Variants in RPGRIP1L observed in about 807,000 individuals in gnomAD.
RPGRIP1L encodes the protein protein fantom.
In RPGRIP1L, 131 loss-of-function variants were observed where a neutral mutation model predicts 160.4. The ratio of observed to expected loss-of-function variants is 0.82; its 90% CI spans 0.71 to 0.94. RPGRIP1L has a LOEUF of 0.94. Ranked by LOEUF, RPGRIP1L falls within the 40% of genes least tolerant of loss-of-function variation. The probability of loss-of-function intolerance (pLI) is 0.00; values close to 1 mark genes in which losing one functional copy is unlikely to be tolerated. For synonymous variants in RPGRIP1L, 510 were observed against 515.8 expected (o/e 0.99, Z 0.15); for missense variants, 1,522 against 1,535.8 (o/e 0.99, Z 0.15).
intron 25 of RPGRIP1L, among the ~76,000 whole-genome samples, chr16:53,609,926 G>A (rs1186491360): frequency 6.6e-6 from 1 of 152,092 alleles, no homozygotes; most frequent in Non-Finnish European, 1.5e-5. Context: ...TAGTTTGGAA[G>A]CTCTTTTGAA....
At chr16:53,678,291 C>T (rs1969342186) in intron 6 of RPGRIP1L, among the ~76,000 whole-genome samples, 1 of 152,070 alleles carries the variant, frequency 6.6e-6, no homozygotes, top group Non-Finnish European at 1.5e-5. Context: ...ACCTGTGTGC[C>T]AAGTTTCTCT....
intron 17 of RPGRIP1L, among the ~76,000 whole-genome samples, chr16:53,642,373 T>G (rs1354331671): frequency 1.3e-5 from 2 of 151,946 alleles, no homozygotes; most frequent in African/African-American, 4.8e-5. Flanking sequence ...CATTAGCTTT[T>G]GCTTAAGAGT....
At chr16:53,668,831 T>C (rs1968487812) in intron 9 of RPGRIP1L, among the ~76,000 whole-genome samples, 1 of 152,236 alleles carries the variant, frequency 6.6e-6, no homozygotes, top group Non-Finnish European at 1.5e-5. Flanking sequence ...TTATACTTAC[T>C]TCTTGGCAGT....
intron 24 of RPGRIP1L, among the ~76,000 whole-genome samples, chr16:53,612,688 C>T (rs909143220): frequency 5.3e-5 from 8 of 151,802 alleles, no homozygotes; most frequent in African/African-American, 1.9e-4. Context: ...TAAACCTAGA[C>T]CAGATTTGAT....
At chr16:53,632,496 T>G (rs1449363814) in intron 22 of RPGRIP1L, among the ~76,000 whole-genome samples, 1 of 152,206 alleles carries the variant, frequency 6.6e-6, no homozygotes, top group Admixed American at 6.5e-5. Context: ...TTTTTTGTAT[T>G]CGTGGATCTA....
intron 6 of RPGRIP1L, among the ~76,000 whole-genome samples, chr16:53,682,779 C>A (rs912977472): frequency 1.3e-5 from 2 of 152,148 alleles, no homozygotes; most frequent in African/African-American, 4.8e-5. Context: ...TCACAAGGAA[C>A]CATTCTTGGT....
chr16:53,641,337 G>A lies in RPGRIP1L; in HGVS notation c.2822C>T (p.Pro941Leu), dbSNP rs748020146. The change falls in exon 18 of 27, where the codon CCA becomes CTA. Residue 941 changes from proline (P) to leucine (L), a missense_variant. Physicochemically the swap from Pro to Leu is moderately conservative, Grantham distance 98. Transcript: ENST00000647211. Reference protein sequence around the residue: ...DLGNFIRSEEPEVVQRLPPAS... With the variant: ...DLGNFIRSEELEVVQRLPPAS... ...TGGAGGAAGTCTTTGAACAACTTCT[G>A]GCTCTTCGCTGCGAATGAAATTTCC... 6.2e-7 allele frequency: 1 copy of A among 1,614,012 alleles called. No homozygotes were observed. Among genetic ancestry groups the A allele is most frequent in the Non-Finnish European group, 8.5e-7 (1 of 1,179,970 alleles).
chr16:53,644,906 T>C (rs1966446547), intron 17 of RPGRIP1L, among the ~76,000 whole-genome samples: 1 of 152,126 alleles, frequency 6.6e-6, no homozygotes, highest in Non-Finnish European at 1.5e-5. Flanking sequence ...TAGAGACCAA[T>C]AAAGGTAATT....
intron 21 of RPGRIP1L, among the ~76,000 whole-genome samples, chr16:53,636,940 TGACACA>T (rs1345057505): frequency 1.8e-5 from 2 of 110,546 alleles, no homozygotes; most frequent in African/African-American, 8.0e-5. Context: ...CTGCAATATT[TGACACA>T]CACACACACA....
chr16:53,657,750 T>C (rs1038403730), intron 12 of RPGRIP1L, 118 bp from the exon 13 acceptor site: 1 of 649,870 alleles, frequency 1.5e-6, no homozygotes, highest in Middle Eastern at 4.1e-4. Flanking sequence ...ATTTCATTAA[T>C]TGAAAACAGA....
In RPGRIP1L at chr16:53,664,937, G is replaced by A. The variant is rs759115653; in HGVS notation, c.1176C>T (p.Leu392=). 2 of 1,613,260 alleles carry A rather than the reference G, an allele frequency of 1.2e-6. No individual in the cohort carries two copies. The highest frequency in any genetic ancestry group is 1.7e-6 in the Non-Finnish European group (2 of 1,179,864). The change falls in exon 10 of 27, where the codon CTC becomes CTT. Residue 392 remains leucine, a synonymous_variant. Coordinates refer to ENST00000647211, the MANE Select transcript of RPGRIP1L (RefSeq NM_015272.5). The part of the protein sequence containing the change: ...EQQLKVQIAQ[L]ETALKSDLTD... Reference sequence around the variant, plus strand: ...TTAAGTCAGACTTCAAGGCAGTCTCGAGCTGAGCAATCTGCACTTTCAGCT... The same window carrying A: ...TTAAGTCAGACTTCAAGGCAGTCTCAAGCTGAGCAATCTGCACTTTCAGCT...
intron 23 of RPGRIP1L, among the ~76,000 whole-genome samples, chr16:53,619,774 A>C (rs1464809041): frequency 6.6e-6 from 1 of 152,216 alleles, no homozygotes; most frequent in African/African-American, 2.4e-5. Context: ...TTTCAAGCAA[A>C]AGAAACAATT....
intron 6 of RPGRIP1L, among the ~76,000 whole-genome samples, chr16:53,677,826 T>C (rs1969303013): frequency 6.6e-6 from 1 of 152,186 alleles, no homozygotes; most frequent in Non-Finnish European, 1.5e-5. Flanking sequence ...ATGAGTAATA[T>C]TTTAAGTGAC....
chr16:53,681,916 G>A (rs532046380), intron 6 of RPGRIP1L, among the ~76,000 whole-genome samples: 5 of 152,252 alleles, frequency 3.3e-5, no homozygotes, highest in East Asian at 1.9e-4. Flanking sequence ...TAATGTATCC[G>A]TGAAAGAAAA....
At chr16:53,641,264 T>G in intron 18 of RPGRIP1L, 21 bp downstream of exon 18, 1 of 1,610,818 alleles carries the variant, frequency 6.2e-7, no homozygotes, top group Non-Finnish European at 8.5e-7. Flanking sequence ...TGTAAAAAAA[T>G]TAAAAGTCAC....
At position 53,622,289 on chromosome 16, in the gene RPGRIP1L, G is replaced by T; in HGVS notation, c.3362C>A (p.Pro1121Gln). The T allele has an allele frequency of 1.5e-6, 1 of 656,898 alleles. No homozygotes were observed. Among genetic ancestry groups the T allele is most frequent in the South Asian group, 1.6e-5 (1 of 62,602 alleles). 40.7% of individuals were successfully genotyped at this position (656,898 alleles called of 1,614,324 possible). ...AISAHCNFRLPGSSDFPASAS... is the reference protein window; with the variant it reads ...AISAHCNFRLQGSSDFPASAS... ...TGAGGCAGGAAAATCGCTGGAACCC[G>T]GGAGGCGGAAGTTGCAGTGAGCTGA... The change falls in exon 23 of 27, where the codon CCG (proline) becomes CAG (glutamine). Residue 1121 changes from proline (P) to glutamine (Q), a missense_variant. Coordinates refer to ENST00000647211, the MANE Select transcript of RPGRIP1L (RefSeq NM_015272.5).
rs755921911 is a variant in RPGRIP1L, at chr16:53,602,072, G to C, written c.*4C>G. 1.9e-6 allele frequency: 3 copies of C among 1,566,792 alleles called. No individual in the cohort carries two copies. The East Asian group carries it at 6.7e-5, about 35-fold the overall frequency. On this transcript the variant is annotated 3_prime_UTR_variant, in exon 27 of 27. Coordinates refer to ENST00000647211, the MANE Select transcript of RPGRIP1L (RefSeq NM_015272.5). Reference sequence around the variant, plus strand: ...AGTAGGAGATGCCTCTGGAGCATTTGCTTTCAAGCCTCCAAGTCATCTCTG... The same window carrying C: ...AGTAGGAGATGCCTCTGGAGCATTTCCTTTCAAGCCTCCAAGTCATCTCTG...
intron 6 of RPGRIP1L, among the ~76,000 whole-genome samples, chr16:53,676,455 T>C (rs975644123): frequency 2.4e-4 from 37 of 152,174 alleles, no homozygotes; most frequent in African/African-American, 8.9e-4. Context: ...CTTTTTTTCA[T>C]ATTTAGAAGC....
chr16:53,675,087 A>G lies in RPGRIP1L; in HGVS notation c.812T>C (p.Leu271Pro). 1 of 1,611,668 alleles carries G rather than the reference A, an allele frequency of 6.2e-7. No homozygotes were observed. Among genetic ancestry groups the G allele is most frequent in the Non-Finnish European group, 8.5e-7 (1 of 1,178,850 alleles). The stretch of plus-strand genomic sequence containing the variant: ...GCTTTTCTCTACTAGCTGTTTATGA[A>G]GCTTAATCATTTCTACATTGTCCCG... ...NIRDNVEMIK[L>P]HKQLVEKSNA... Residue 271 changes from leucine to proline, a missense_variant, in exon 7 of 27, where the codon CTT (leucine) becomes CCT (proline). By Grantham distance (98) the Leu-to-Pro change is moderately conservative. Transcript: ENST00000647211.
Sources: allele counts gnomAD v4.1 joint callset (sites outside exome capture counted in the v4.1 genomes callset), GRCh38; gene constraint gnomAD v4.1.1; transcripts MANE v1.5; gene names NCBI Gene and HGNC (gene_info 2026-07-23, HGNC 2026-07-21).